RAB38: variants seen among roughly 807,000 people sequenced by gnomAD.
The protein encoded by RAB38 is ras-related protein Rab-38.
RAB38 carries 15 observed loss-of-function variants against 18.4 expected under a neutral mutation model. That is an observed-to-expected ratio of 0.82 (90% CI 0.55 to 1.26). The LOEUF is 1.26. Among genes scored for constraint, RAB38 ranks in the 50% most tolerant of loss-of-function variants. RAB38 has a pLI of 0.00. For missense variants in RAB38, 294 were observed against 267.4 expected, an observed-to-expected ratio of 1.10 and a Z score of -0.69; for synonymous variants, 101 against 104.4, an observed-to-expected ratio of 0.97 and a Z score of 0.20.
the RAB38 span, among the ~76,000 whole-genome samples, chr11:87,955,793 C>G: frequency 9.2e-5 from 14 of 151,992 alleles, no homozygotes; most frequent in Admixed American, 2.6e-4. Flanking sequence ...TTTTCTAGGT[C>G]ACCGTTTTCA....
chr11:88,101,368 AATT>A, the RAB38 span, among the ~76,000 whole-genome samples: 5 of 151,998 alleles, frequency 3.3e-5, no homozygotes, highest in Non-Finnish European at 2.9e-5. Flanking sequence ...TTTAAAGGCA[AATT>A]ATTTATAACA....
intron 2 of RAB38, among the ~76,000 whole-genome samples, chr11:88,148,237 A>G (rs1591170127): frequency 6.6e-6 from 1 of 152,222 alleles, no homozygotes; most frequent in East Asian, 1.9e-4. Context: ...CAGAAGAGCA[A>G]GGAGACAGGC....
chr11:87,876,430 C>G, the RAB38 span, among the ~76,000 whole-genome samples: 8 of 151,546 alleles, frequency 5.3e-5, no homozygotes, highest in African/African-American at 1.9e-4. Context: ...CTTTCTCCCC[C>G]AATAAATTTT....
the RAB38 span, among the ~76,000 whole-genome samples, chr11:87,853,814 G>A: frequency 6.6e-6 from 1 of 152,150 alleles, no homozygotes; most frequent in African/African-American, 2.4e-5. Flanking sequence ...TTACAGTTTT[G>A]TAGGCCAGAA....
intron 1 of RAB38, among the ~76,000 whole-genome samples, chr11:88,171,897 C>A (rs1943315699): frequency 6.6e-6 from 1 of 152,178 alleles, no homozygotes; most frequent in African/African-American, 2.4e-5. Context: ...AAATTCACAT[C>A]CTAATCAAGA....
At chr11:88,050,663 T>G in the RAB38 span, among the ~76,000 whole-genome samples, 3 of 152,240 alleles carry the variant, frequency 2.0e-5, no homozygotes. Context: ...AATTTACTTT[T>G]TTGTCAGTCT....
chr11:87,914,732 C>A, the RAB38 span, among the ~76,000 whole-genome samples: 3 of 152,122 alleles, frequency 2.0e-5, no homozygotes, highest in African/African-American at 7.2e-5. Flanking sequence ...CATCCAGGTC[C>A]TGATAAAATA....
chr11:88,046,743 T>C, the RAB38 span, among the ~76,000 whole-genome samples: 1 of 152,192 alleles, frequency 6.6e-6, no homozygotes, highest in South Asian at 2.1e-4. Flanking sequence ...ACTTTCAACT[T>C]TAGATACCTG....
the RAB38 span, among the ~76,000 whole-genome samples, chr11:87,977,690 AATAT>A: frequency 8.7e-6 from 1 of 115,504 alleles, no homozygotes; most frequent in African/African-American, 3.4e-5. Context: ...TATGTCATAT[AATAT>A]ATAGGGATAT....
chr11:88,140,662 G>A (rs372363900), intron 2 of RAB38, among the ~76,000 whole-genome samples: 23 of 152,280 alleles, frequency 1.5e-4, no homozygotes, highest in Admixed American at 1.2e-3. Flanking sequence ...TAGGAGGCAC[G>A]TTCCAGGCAG....
the RAB38 span, among the ~76,000 whole-genome samples, chr11:88,080,594 A>T: frequency 3.4e-4 from 52 of 151,108 alleles, no homozygotes; most frequent in South Asian, 0.01. Context: ...CCAAACAATT[A>T]AAAAAAAAGT....
the RAB38 span, among the ~76,000 whole-genome samples, chr11:87,898,920 C>G: frequency 1.3e-5 from 2 of 151,748 alleles, no homozygotes; most frequent in East Asian, 3.9e-4. Context: ...ACTTTTAGAG[C>G]TTCACTGCTT....
the RAB38 span, among the ~76,000 whole-genome samples, chr11:87,831,280 C>G: frequency 2.6e-5 from 4 of 152,026 alleles, no homozygotes; most frequent in Non-Finnish European, 5.9e-5. Context: ...CACCGTACCC[C>G]AAAACCCCAT....
At chr11:87,859,831 T>C in the RAB38 span, among the ~76,000 whole-genome samples, 1 of 152,070 alleles carries the variant, frequency 6.6e-6, no homozygotes. Flanking sequence ...TCATTCATGG[T>C]AGTGGCAGAA....
At chr11:87,934,149 C>G in the RAB38 span, among the ~76,000 whole-genome samples, 1 of 152,074 alleles carries the variant, frequency 6.6e-6, no homozygotes, top group Non-Finnish European at 1.5e-5. Context: ...TTATAGAGGT[C>G]TTCCAAGTTA....
At chr11:87,908,139 G>A in the RAB38 span, among the ~76,000 whole-genome samples, 7 of 151,786 alleles carry the variant, frequency 4.6e-5, no homozygotes, top group Admixed American at 2.6e-4. Flanking sequence ...ATAGCAGTTC[G>A]GAGGGATGCC....
chr11:87,914,465 G>T, the RAB38 span, among the ~76,000 whole-genome samples: 1 of 152,148 alleles, frequency 6.6e-6, no homozygotes, highest in African/African-American at 2.4e-5. Context: ...TCTCCAAGAA[G>T]TGGTATGGTT....
chr11:87,869,270 G>A, the RAB38 span, among the ~76,000 whole-genome samples: 1 of 151,530 alleles, frequency 6.6e-6, no homozygotes, highest in Non-Finnish European at 1.5e-5. Flanking sequence ...ACTGGGATAA[G>A]CGTTTAACAT....
At chr11:88,084,140 A>G in the RAB38 span, among the ~76,000 whole-genome samples, 1 of 151,818 alleles carries the variant, frequency 6.6e-6, no homozygotes, top group South Asian at 2.1e-4. Flanking sequence ...TGGGGGGAGT[A>G]ATAATGTGTG....
Sources: gnomAD v4.1 joint callset for allele counts (sites outside exome capture counted in the v4.1 genomes callset) on GRCh38, gnomAD v4.1.1 for gene constraint, MANE v1.5 for transcripts, NCBI Gene and HGNC (gene_info 2026-07-23, HGNC 2026-07-21) for gene names.